The following LRP2 variants were observed in gnomAD, a reference collection of about 807,000 sequenced individuals.
LRP2 encodes LDL receptor related protein 2.
LRP2 carries 172 observed loss-of-function variants against 531.0 expected under a neutral mutation model. The ratio of observed to expected loss-of-function variants is 0.32; its 90% CI spans 0.29 to 0.37. The LOEUF is 0.37. LRP2 is among the 10% of genes least tolerant of loss of function. The pLI is 1.00. For missense variants in LRP2, 5,167 were observed against 5,868.3 expected (o/e 0.88, Z 3.90); for synonymous variants, 1,992 against 2,027.6 (o/e 0.98, Z 0.47).
chr2:169,211,487 T>A (rs1313661724), intron 37 of LRP2, among the ~76,000 whole-genome samples: 1 of 152,176 alleles, frequency 6.6e-6, no homozygotes, highest in African/African-American at 2.4e-5. Context: ...TATTAATAAA[T>A]CATATTTGTG....
chr2:169,338,362 A>AAGAAAG (rs1278488120), intron 1 of LRP2, among the ~76,000 whole-genome samples: 1 of 94,476 alleles, frequency 1.1e-5, no homozygotes, highest in East Asian at 3.8e-4. Flanking sequence ...GAAAGAAGGA[A>AAGAAAG]AGAAAGAAAG....
intron 40 of LRP2, 63 bp downstream of exon 40, chr2:169,205,960 T>C (rs921597265): frequency 1.6e-5 from 26 of 1,599,728 alleles, no homozygotes; most frequent in African/African-American, 4.0e-5. Flanking sequence ...TGAACATAAT[T>C]TCAGGCCCCA....
At chr2:169,340,289 G>A (rs530794667) in intron 1 of LRP2, among the ~76,000 whole-genome samples, 3 of 152,124 alleles carry the variant, frequency 2.0e-5, no homozygotes, top group South Asian at 2.1e-4. Context: ...CCAAAATGTG[G>A]TATTCAAAGC....
At chr2:169,361,392 C>CTG (rs1686157378) in intron 1 of LRP2, among the ~76,000 whole-genome samples, 6 of 141,364 alleles carry the variant, frequency 4.2e-5, no homozygotes, top group Admixed American at 1.4e-4. Flanking sequence ...CTCTCTCTCT[C>CTG]TCTGTCTCTC....
rs1389736537 is a variant in LRP2 at position 169,157,385 on chromosome 2, C to A, written c.12005G>T (p.Arg4002Ile). The change falls in exon 64 of 79, where the codon AGA becomes ATA. Residue 4002 changes from arginine to isoleucine, a missense_variant. Transcript: ENST00000649046. ...ATATACTCTACCTAGACAGGAGGTT[C>A]TGTCAAAAACATTGGTTTCGAACCC... ...TAGFETNVFD[R>I]TSCLDINECE... 5 of 1,613,340 alleles carry A rather than the reference C, an allele frequency of 3.1e-6. No homozygotes were observed. In the South Asian group the frequency reaches 5.5e-5, roughly 18 times the overall value.
chr2:169,176,317 T>C (rs962544275), intron 54 of LRP2, 94 bp downstream of exon 54: 2 of 1,441,886 alleles, frequency 1.4e-6, no homozygotes, highest in Non-Finnish European at 9.7e-7. Flanking sequence ...CAAAATCTTG[T>C]CTCACTAGAA....
intron 9 of LRP2, among the ~76,000 whole-genome samples, chr2:169,286,361 A>C (rs1049158312): frequency 8.5e-5 from 13 of 152,242 alleles, no homozygotes; most frequent in South Asian, 4.1e-4. Context: ...TCTGTTGTGG[A>C]ACTTAAAATT....
chr2:169,203,085 T>C (rs1306687909), intron 42 of LRP2, 126 bp from the exon 43 acceptor site: 3 of 774,258 alleles, frequency 3.9e-6, no homozygotes, highest in South Asian at 2.9e-5. Flanking sequence ...ATGGAAGTTC[T>C]GCCCATTAAC....
chr2:169,259,350 A>T (rs1215697321), intron 16 of LRP2, 133 bp from the exon 17 acceptor site: 2 of 516,190 alleles, frequency 3.9e-6, no homozygotes, highest in East Asian at 3.1e-5. Flanking sequence ...TTCTTTAAAA[A>T]AAAAAAAAAA....
At position 169,145,842 on chromosome 2, in the gene LRP2, T is replaced by C; in HGVS notation, c.12893A>G (p.Asn4298Ser). Reference protein sequence around the residue: ...SKEKGEVWKQNKFGQGKKEKT... With the variant: ...SKEKGEVWKQSKFGQGKKEKT... ...CTCTTTCTTTCCTTGCCCAAATTTA[T>C]TTTGTTTCCATACTTCTCCCTTTTC... The change falls in exon 70 of 79, where the codon AAT becomes AGT. Residue 4298 changes from asparagine (N) to serine (S), a missense_variant. Around this residue, in one of 6 missense-constraint regions of LRP2, gnomAD observed 564 missense variants for 747.7 expected, o/e 0.75. Coordinates refer to ENST00000649046, the MANE Select transcript of LRP2 (RefSeq NM_004525.3). 1.2e-6 allele frequency: 2 copies of C among 1,614,182 alleles called. No individual in the cohort carries two copies. Among genetic ancestry groups the C allele is most frequent in the Non-Finnish European group, 1.7e-6 (2 of 1,180,014 alleles).
chr2:169,178,982 C>CTTAT (rs1376757336), intron 52 of LRP2, among the ~76,000 whole-genome samples: 2 of 143,972 alleles, frequency 1.4e-5, no homozygotes, highest in Admixed American at 7.1e-5. Context: ...TAGTCACCAT[C>CTTAT]TGATTTATTT....
intron 3 of LRP2, among the ~76,000 whole-genome samples, chr2:169,308,836 C>G (rs1684503512): frequency 6.6e-6 from 1 of 152,178 alleles, no homozygotes; most frequent in Non-Finnish European, 1.5e-5. Flanking sequence ...TACAGTCCCA[C>G]CAACAGTGTA....
intron 1 of LRP2, among the ~76,000 whole-genome samples, chr2:169,346,936 T>A (rs1478041211): frequency 6.6e-6 from 1 of 152,168 alleles, no homozygotes; most frequent in Non-Finnish European, 1.5e-5. Flanking sequence ...AGTTCTATCT[T>A]TGAGGCCTTC....
Position 169,233,278 on chromosome 2 carries a change from T to C in LRP2, c.5098+133A>G, listed in dbSNP as rs1574160437. On this transcript the variant is annotated intron_variant, in intron 30 of 78. Coordinates refer to ENST00000649046, the MANE Select transcript of LRP2 (RefSeq NM_004525.3). ...TGTCAGGACTAGGGAAAGTATATAG[T>C]GGGGTGGTTTGTAAAGAGAAAAGGA... 9 of 911,674 alleles carry C rather than the reference T, an allele frequency of 9.9e-6. No homozygotes were observed. The East Asian group carries it at 2.3e-4, about 23-fold the overall frequency. 56.5% of individuals were successfully genotyped at this position (911,674 alleles called of 1,614,324 possible). A position where few individuals can be genotyped will look rare whatever the true frequency, so the allele number is the denominator to read the frequency against.
intron 1 of LRP2, among the ~76,000 whole-genome samples, chr2:169,358,884 C>A (rs1339344191): frequency 2.8e-5 from 3 of 107,858 alleles, no homozygotes; most frequent in African/African-American, 3.8e-5. Context: ...TGTTTAAGGC[C>A]AATACGATTT....
Position 169,168,696 on chromosome 2 carries a change from C to G in LRP2, c.11498-20G>C. The G allele has an allele frequency of 6.2e-7, 1 of 1,608,050 alleles. No individual in the cohort carries two copies. On this transcript the variant is annotated intron_variant, in intron 60 of 78. Coordinates refer to ENST00000649046, the MANE Select transcript of LRP2 (RefSeq NM_004525.3). The stretch of plus-strand genomic sequence containing the variant: ...GTGTGGCTGCCATGGGGGAAAAAAA[C>G]ATATTCAAATTATTATACAAATTGA...
intron 52 of LRP2, 88 bp from the exon 53 acceptor site, chr2:169,178,114 A>C: frequency 1.1e-6 from 1 of 951,800 alleles, no homozygotes; most frequent in Non-Finnish European, 1.7e-6. Context: ...CAAATCAATA[A>C]AATTCTACCT....
chr2:169,166,269 C>A (rs376531596), intron 61 of LRP2, among the ~76,000 whole-genome samples: 1 of 152,202 alleles, frequency 6.6e-6, no homozygotes, highest in Admixed American at 6.5e-5. Flanking sequence ...AGACACAGTC[C>A]TTGTCCTCAT....
At chr2:169,148,433 G>C (rs1259301263) in intron 68 of LRP2, among the ~76,000 whole-genome samples, 1 of 152,048 alleles carries the variant, frequency 6.6e-6, no homozygotes, top group African/African-American at 2.4e-5. Flanking sequence ...ACTTTAAATG[G>C]GTAAGTTGTA....
Sources: allele counts gnomAD v4.1 joint callset (sites outside exome capture counted in the v4.1 genomes callset), GRCh38; gene constraint gnomAD v4.1.1; regional missense constraint gnomAD v4.1.1; transcripts MANE v1.5; gene names NCBI Gene and HGNC (gene_info 2026-07-23, HGNC 2026-07-21).